RALGAPA2: variants seen among roughly 807,000 people sequenced by gnomAD.
RALGAPA2 encodes Ral GTPase activating protein catalytic subunit alpha 2.
A neutral mutation model predicts 230.4 loss-of-function variants in RALGAPA2; 139 were observed. The observed-to-expected ratio is 0.60, with a 90% confidence interval of 0.53 to 0.69. The LOEUF is 0.69. Among genes scored for constraint, RALGAPA2 ranks in the 30% least tolerant of loss-of-function variants. RALGAPA2 has a pLI of 0.00. For missense variants in RALGAPA2, 2,163 were observed against 2,276.0 expected (o/e 0.95, Z 1.01); for synonymous variants, 847 against 837.8 (o/e 1.01, Z -0.19).
At chr20:20,656,948 T>C (rs2067609510) in intron 3 of RALGAPA2, among the ~76,000 whole-genome samples, 1 of 152,190 alleles carries the variant, frequency 6.6e-6, no homozygotes, top group South Asian at 2.1e-4. Flanking sequence ...GATCACCAGA[T>C]GCGAGAGATG....
At chr20:20,708,475 T>G (rs768954705) in intron 1 of RALGAPA2, among the ~76,000 whole-genome samples, 1 of 152,162 alleles carries the variant, frequency 6.6e-6, no homozygotes, top group Non-Finnish European at 1.5e-5. Context: ...TCTCACAAGA[T>G]CTGATGGTTT....
At chr20:20,573,113 T>A in intron 20 of RALGAPA2, 45 bp from the exon 21 acceptor site, 3 of 1,434,602 alleles carry the variant, frequency 2.1e-6, no homozygotes, top group Non-Finnish European at 2.8e-6. Flanking sequence ...CAATCTTGAT[T>A]TCATCATACC....
At chr20:20,427,887 ACAGATT>A (rs1346886469) in intron 37 of RALGAPA2, among the ~76,000 whole-genome samples, 2 of 152,178 alleles carry the variant, frequency 1.3e-5, no homozygotes, top group Non-Finnish European at 2.9e-5. Flanking sequence ...CATTTGAACA[ACAGATT>A]CAACATTTCT....
chr20:20,398,765 A>C lies in RALGAPA2; in HGVS notation c.5618-2031T>G, dbSNP rs2059770170. On this transcript the variant is annotated intron_variant, in intron 38 of 39. Transcript: ENST00000202677. The surrounding 1 kb of genome is among the most constrained non-coding windows in gnomAD (Gnocchi z 4.5). Reference sequence around the variant, plus strand: ...TGTCCTATCCCTTTGTCAAATGAGCAGCAGATATGTGCCAGGTACTGTTTT... The same window carrying C: ...TGTCCTATCCCTTTGTCAAATGAGCCGCAGATATGTGCCAGGTACTGTTTT... Among the ~76,000 whole-genome samples, 1 of 152,172 alleles carries C rather than the reference A, an allele frequency of 6.6e-6. No individual in the cohort carries two copies. Among genetic ancestry groups the C allele is most frequent in the Middle Eastern group, 3.2e-3 (1 of 316 alleles).
intron 30 of RALGAPA2, among the ~76,000 whole-genome samples, chr20:20,522,571 G>A (rs1272369886): frequency 6.6e-6 from 1 of 152,172 alleles, no homozygotes; most frequent in African/African-American, 2.4e-5. Context: ...AGTGGCTATG[G>A]GGAGGCACAG....
chr20:20,584,277 T>C (rs1419582364), intron 19 of RALGAPA2, among the ~76,000 whole-genome samples: 1 of 152,232 alleles, frequency 6.6e-6, no homozygotes, highest in Non-Finnish European at 1.5e-5. Context: ...CTGATGCTTT[T>C]TGCTTCTAGC....
At chr20:20,680,968 C>T (rs544654284) in intron 1 of RALGAPA2, among the ~76,000 whole-genome samples, 167 bp from the exon 2 acceptor site, 10 of 152,172 alleles carry the variant, frequency 6.6e-5, no homozygotes, top group Non-Finnish European at 1.0e-4. Flanking sequence ...TAAGAGAGTT[C>T]TTACTTGAAC....
At chr20:20,695,947 C>T (rs2069096640) in intron 1 of RALGAPA2, among the ~76,000 whole-genome samples, 1 of 152,122 alleles carries the variant, frequency 6.6e-6, no homozygotes, top group African/African-American at 2.4e-5. Context: ...TGGTCTCATT[C>T]TTCTCCAGCC....
intron 16 of RALGAPA2, among the ~76,000 whole-genome samples, chr20:20,599,665 C>T (rs964525575): frequency 8.5e-5 from 13 of 152,184 alleles, no homozygotes; most frequent in Admixed American, 7.2e-4. Flanking sequence ...TACCCTACTG[C>T]CCTTTCTCCT....
chr20:20,453,944 T>C (rs2061047860), intron 37 of RALGAPA2, among the ~76,000 whole-genome samples: 2 of 152,230 alleles, frequency 1.3e-5, no homozygotes, highest in South Asian at 4.1e-4. Context: ...TCAAGATTTT[T>C]TTAAGCCCTA....
At chr20:20,507,307 A>T (rs1374974345) in intron 33 of RALGAPA2, among the ~76,000 whole-genome samples, 5 of 152,310 alleles carry the variant, frequency 3.3e-5, no homozygotes, top group Admixed American at 2.0e-4. Flanking sequence ...GTTATCTTTA[A>T]TACATCCTTA....
chr20:20,706,323 G>A (rs2069602572), intron 1 of RALGAPA2, among the ~76,000 whole-genome samples: 3 of 152,116 alleles, frequency 2.0e-5, no homozygotes, highest in Admixed American at 2.0e-4. Flanking sequence ...TTACATTCTA[G>A]AGGTTATAAA....
At chr20:20,647,461 A>G (rs1009066191) in intron 4 of RALGAPA2, among the ~76,000 whole-genome samples, 1 of 152,216 alleles carries the variant, frequency 6.6e-6, no homozygotes, top group Non-Finnish European at 1.5e-5. Context: ...AAAAAATTTG[A>G]AATTAACATA....
intron 31 of RALGAPA2, 58 bp downstream of exon 31, chr20:20,520,859 A>C (rs1169156892): frequency 7.3e-7 from 1 of 1,365,590 alleles, no homozygotes; most frequent in Non-Finnish European, 9.8e-7. Flanking sequence ...AAGCATGGCT[A>C]AAGGCTAAAT....
chr20:20,605,301 T>C lies in RALGAPA2; in HGVS notation c.1912A>G (p.Asn638Asp). Reference protein sequence around the residue: ...SSLTEWEELINEWANIMDSLT... With the variant: ...SSLTEWEELIDEWANIMDSLT... ...GAGTCCATAATGTTGGCCCACTCGT[T>C]TATAAGTTCCTCCCATTCCGTGAGG... The change falls in exon 15 of 40, where the codon AAC (asparagine) becomes GAC (aspartate). Residue 638 changes from asparagine to aspartate, a missense_variant. Asn to Asp is a conservative substitution (Grantham distance 23, BLOSUM62 1). Transcript: ENST00000202677. 1 of 1,613,778 alleles carries C rather than the reference T, an allele frequency of 6.2e-7. No individual in the cohort carries two copies. Among genetic ancestry groups the C allele is most frequent in the South Asian group, 1.1e-5 (1 of 91,064 alleles).
At chr20:20,656,621 TTGTTA>T (rs902163792) in intron 3 of RALGAPA2, among the ~76,000 whole-genome samples, 38 of 152,244 alleles carry the variant, frequency 2.5e-4, no homozygotes, top group African/African-American at 7.9e-4. Flanking sequence ...AAAAACTGGG[TTGTTA>T]TGTTATGTCA....
At chr20:20,519,124 T>A (rs1186199128) in intron 31 of RALGAPA2, among the ~76,000 whole-genome samples, 1 of 152,222 alleles carries the variant, frequency 6.6e-6, no homozygotes, top group Non-Finnish European at 1.5e-5. Context: ...GTCAAAACTT[T>A]CAGAGTAAAT....
At chr20:20,424,202 C>A (rs1259821986) in intron 37 of RALGAPA2, among the ~76,000 whole-genome samples, 2 of 152,196 alleles carry the variant, frequency 1.3e-5, no homozygotes, top group Non-Finnish European at 2.9e-5. Context: ...TTAATTATAG[C>A]ATTTTCCATT....
chr20:20,498,003 A>C (rs1569446080), intron 35 of RALGAPA2, among the ~76,000 whole-genome samples: 1 of 152,226 alleles, frequency 6.6e-6, no homozygotes, highest in Non-Finnish European at 1.5e-5. Flanking sequence ...ATAAGAAAAC[A>C]GGTAGGTAAA....
Sources: gnomAD v4.1 joint callset for allele counts (sites outside exome capture counted in the v4.1 genomes callset) on GRCh38, gnomAD v4.1.1 for gene constraint, Gnocchi (gnomAD v3.1) non-coding constraint, MANE v1.5 for transcripts, NCBI Gene and HGNC (gene_info 2026-07-23, HGNC 2026-07-21) for gene names.